The following NCAM1 variants were observed in gnomAD, a reference collection of about 807,000 sequenced individuals.
NCAM1 encodes the protein neural cell adhesion molecule 1, also known as antigen recognized by monoclonal antibody 5.1H11.
A neutral mutation model predicts 109.8 loss-of-function variants in NCAM1; 14 were observed. The observed-to-expected ratio is 0.13, with a 90% CI of 0.08 to 0.20. The LOEUF (loss-of-function observed/expected upper bound fraction) is 0.20. NCAM1 is among the 10% of genes least tolerant of loss of function. NCAM1 has a pLI of 1.00. For missense variants in NCAM1, 774 were observed against 1,109.9 expected (o/e 0.70, Z 4.30); for synonymous variants, 418 against 442.9 (o/e 0.94, Z 0.70).
chr11:113,263,767 G>A (rs1184076153), intron 17 of NCAM1: 9 of 985,434 alleles, frequency 9.1e-6, no homozygotes, highest in Non-Finnish European at 6.0e-6. Context: ...TTGAGCATCA[G>A]TCTACAGGAC....
chr11:113,013,169 G>A (rs1555074768), intron 1 of NCAM1, among the ~76,000 whole-genome samples: 1 of 151,992 alleles, frequency 6.6e-6, no homozygotes, highest in Non-Finnish European at 1.5e-5. Flanking sequence ...GCTCACACCT[G>A]TAATACCAGC....
intron 1 of NCAM1, among the ~76,000 whole-genome samples, chr11:113,060,059 T>C (rs1555083216): frequency 3.3e-5 from 5 of 152,206 alleles, no homozygotes; most frequent in Non-Finnish European, 1.5e-5. Flanking sequence ...ATTCTCAAAA[T>C]AGACTGGCTG....
chr11:112,966,330 A>T (rs189089608), intron 1 of NCAM1, among the ~76,000 whole-genome samples: 5 of 152,276 alleles, frequency 3.3e-5, no homozygotes, highest in African/African-American at 9.6e-5. Flanking sequence ...GAAGAAGAAA[A>T]TTTTTTACTT....
chr11:112,997,070 G>A (rs1267562127), intron 1 of NCAM1, among the ~76,000 whole-genome samples: 1 of 152,148 alleles, frequency 6.6e-6, no homozygotes, highest in African/African-American at 2.4e-5. Flanking sequence ...AGCTTGGGTA[G>A]GATAGAATAA....
chr11:113,268,080 A>G (rs1318926961), intron 17 of NCAM1, among the ~76,000 whole-genome samples: 1 of 152,188 alleles, frequency 6.6e-6, no homozygotes, highest in Non-Finnish European at 1.5e-5. Flanking sequence ...GCCCTGTGTC[A>G]TGGAATGGAG....
intron 1 of NCAM1, among the ~76,000 whole-genome samples, chr11:113,103,551 C>T (rs907884442): frequency 6.6e-6 from 1 of 152,128 alleles, no homozygotes; most frequent in African/African-American, 2.4e-5. Flanking sequence ...ATCCCATCTA[C>T]GTTACCTGCC....
rs190531705 is a variant in NCAM1, at chr11:113,103,606, G to A, written c.53-98773G>A. On this transcript the variant is annotated intron_variant, in intron 1 of 19. Transcript: ENST00000316851. ...CCACTCACCTCCCCAGTGATAATGG[G>A]TGGGTTATCACTGGCTCTCTTTCTT... 5.3e-5 allele frequency among the ~76,000 whole-genome samples: 8 copies of A among 152,290 alleles called. No homozygotes were observed. In the East Asian group the frequency reaches 7.7e-4, roughly 15 times the overall value.
chr11:113,104,802 C>T (rs1432945191), intron 1 of NCAM1, among the ~76,000 whole-genome samples: 1 of 152,148 alleles, frequency 6.6e-6, no homozygotes, highest in African/African-American at 2.4e-5. Context: ...TAATGTATAA[C>T]CTCTTTGGCT....
At chr11:113,163,508 G>A (rs1358382761) in intron 1 of NCAM1, among the ~76,000 whole-genome samples, 1 of 152,132 alleles carries the variant, frequency 6.6e-6, no homozygotes, top group Non-Finnish European at 1.5e-5. Flanking sequence ...TTCTTCTCCT[G>A]GGAATTGTCA....
intron 1 of NCAM1, among the ~76,000 whole-genome samples, chr11:113,149,650 GA>G (rs1247596715): frequency 6.6e-6 from 1 of 152,080 alleles, no homozygotes; most frequent in East Asian, 1.9e-4. Context: ...AAATAGTGAG[GA>G]AAAATTTATT....
chr11:112,994,397 A>G (rs943681546), intron 1 of NCAM1, among the ~76,000 whole-genome samples: 3 of 152,204 alleles, frequency 2.0e-5, no homozygotes, highest in Admixed American at 6.5e-5. Flanking sequence ...CTGGAAACTC[A>G]TAGGATCTTC....
intron 1 of NCAM1, among the ~76,000 whole-genome samples, chr11:113,017,212 G>A (rs1278977427): frequency 6.6e-6 from 1 of 152,142 alleles, no homozygotes; most frequent in African/African-American, 2.4e-5. Flanking sequence ...CAGCTCGAGA[G>A]GTTTGTTGTT....
intron 1 of NCAM1, among the ~76,000 whole-genome samples, chr11:113,118,989 TC>T (rs1940830237): frequency 6.6e-6 from 1 of 151,976 alleles, no homozygotes; most frequent in Admixed American, 6.5e-5. Context: ...TAAATTACCT[TC>T]AAATTAATAG....
chr11:113,023,125 A>G (rs1057038292), intron 1 of NCAM1, among the ~76,000 whole-genome samples: 3 of 152,226 alleles, frequency 2.0e-5, no homozygotes, highest in Non-Finnish European at 4.4e-5. Flanking sequence ...CACAACTGCT[A>G]GATACTATAC....
chr11:113,168,235 C>G (rs1467351389), intron 1 of NCAM1, among the ~76,000 whole-genome samples: 1 of 152,152 alleles, frequency 6.6e-6, no homozygotes, highest in Admixed American at 6.5e-5. Context: ...ATTCTGAGAA[C>G]TAAAATCTTG....
chr11:113,240,010 G>T (rs1945279065), intron 14 of NCAM1, among the ~76,000 whole-genome samples: 1 of 152,196 alleles, frequency 6.6e-6, no homozygotes, highest in South Asian at 2.1e-4. Flanking sequence ...GATCCATTCA[G>T]TGTCCCAGTA....
intron 16 of NCAM1, 96 bp from the exon 17 acceptor site, chr11:113,260,050 A>T: frequency 9.2e-7 from 1 of 1,088,470 alleles, no homozygotes; most frequent in Non-Finnish European, 1.3e-6. Context: ...AAAGTTATTG[A>T]GTCCCGTAAG....
intron 1 of NCAM1, among the ~76,000 whole-genome samples, chr11:113,156,542 G>A (rs1942413948): frequency 6.6e-5 from 10 of 152,138 alleles, no homozygotes; most frequent in Admixed American, 5.2e-4. Context: ...TTAAAGGGGT[G>A]GCATGAGAAA....
At chr11:113,210,843 G>A (rs141448859) in intron 7 of NCAM1, among the ~76,000 whole-genome samples, 5 of 146,114 alleles carry the variant, frequency 3.4e-5, no homozygotes, top group Non-Finnish European at 6.0e-5. Context: ...TTTCTTTCCC[G>A]AAACTGCAGC....
Sources: gnomAD v4.1 joint callset for allele counts (sites outside exome capture counted in the v4.1 genomes callset) on GRCh38, gnomAD v4.1.1 for gene constraint, MANE v1.5 for transcripts, NCBI Gene and HGNC (gene_info 2026-07-23, HGNC 2026-07-21) for gene names.